JAM3: variants seen among roughly 807,000 people sequenced by gnomAD.
JAM3 encodes junctional adhesion molecule 3.
In JAM3, 31 loss-of-function variants were observed where a neutral mutation model predicts 39.4. That is an observed-to-expected ratio of 0.79 (90% CI 0.59 to 1.06). The LOEUF (loss-of-function observed/expected upper bound fraction) is 1.06, where lower values mean the gene tolerates loss of function less well. Ranked by LOEUF, JAM3 falls within the 50% of genes least tolerant of loss-of-function variation. The pLI, the probability that JAM3 is intolerant of heterozygous loss-of-function variation, is 0.00. For missense variants in JAM3, 455 were observed against 391.4 expected (o/e 1.16, Z -1.37); for synonymous variants, 182 against 148.7 (o/e 1.22, Z -1.63).
chr11:134,142,018 C>CCCACTCACGTGAAGTCCCTCCTTTGCT (rs1942983109), intron 3 of JAM3, among the ~76,000 whole-genome samples: 3 of 151,784 alleles, frequency 2.0e-5, no homozygotes, highest in African/African-American at 7.2e-5. Context: ...CCTCCTTTGC[C>CCCACTCACGTGAAGTCCCTCCTTTGCT]TCTTATTTTT....
In JAM3 at chr11:134,149,820, G is replaced by T. The variant is rs1012032146; in HGVS notation, c.*639G>T. The stretch of plus-strand genomic sequence containing the variant: ...GGATCTTGCCTGAGGAACCCTGCTT[G>T]TCCAACAGGGTGTCAGGATTTAAGG... On this transcript the variant is annotated 3_prime_UTR_variant, in exon 9 of 9. Transcript: ENST00000299106. The T allele has an allele frequency of 2.2e-4, 78 of 361,266 alleles. No homozygotes were observed. Among genetic ancestry groups the T allele is most frequent in the Non-Finnish European group, 3.7e-4 (67 of 181,026 alleles). 22.4% of individuals were successfully genotyped at this position (361,266 alleles called of 1,614,324 possible). A position where few individuals can be genotyped will look rare whatever the true frequency, so the allele number is the denominator to read the frequency against.
chr11:134,105,698 T>C (rs544955938), intron 1 of JAM3, among the ~76,000 whole-genome samples: 35 of 137,988 alleles, frequency 2.5e-4, no homozygotes, highest in African/African-American at 8.1e-4. Flanking sequence ...AGCATTCTTA[T>C]ATACCAATAA....
rs774867477 is a variant in JAM3 at position 134,144,906 on chromosome 11, G to A, written c.524G>A (p.Arg175His). ...GHPRPHYSWYRNDVPLPTDSR... is the reference protein window; with the variant it reads ...GHPRPHYSWYHNDVPLPTDSR... ...CCCCGGCCTCACTACAGCTGGTATC[G>A]CAATGATGTACCACTGCCCACGGAT... is the stretch of plus-strand genomic sequence containing the variant. The change falls in exon 5 of 9, where the codon CGC (arginine) becomes CAC (histidine). Residue 175 changes from arginine to histidine, a missense_variant. Transcript: ENST00000299106. 7.4e-6 allele frequency: 12 copies of A among 1,614,034 alleles called. No homozygotes were observed. In the African/African-American group the frequency reaches 8.0e-5, roughly 11 times the overall value.
At chr11:134,131,657 G>T (rs966872904) in intron 1 of JAM3, among the ~76,000 whole-genome samples, 6 of 152,150 alleles carry the variant, frequency 3.9e-5, no homozygotes, top group Non-Finnish European at 8.8e-5. Flanking sequence ...TTTAAAATAT[G>T]CACAAACACC....
At chr11:134,097,970 A>G (rs767280743) in intron 1 of JAM3, among the ~76,000 whole-genome samples, 3 of 152,114 alleles carry the variant, frequency 2.0e-5, no homozygotes, top group African/African-American at 4.8e-5. Context: ...TAAAATTGTG[A>G]GGACTATATT....
intron 1 of JAM3, among the ~76,000 whole-genome samples, chr11:134,108,582 A>T (rs1942247142): frequency 6.6e-6 from 1 of 152,316 alleles, no homozygotes; most frequent in Admixed American, 6.5e-5. Context: ...GTTTGTGTGT[A>T]TAGGAAGAAA....
chr11:134,072,728 G>C (rs886967449), intron 1 of JAM3, among the ~76,000 whole-genome samples: 4 of 152,202 alleles, frequency 2.6e-5, no homozygotes, highest in East Asian at 1.9e-4. Flanking sequence ...TGGCCAACAT[G>C]ATGAAGCCCT....
intron 1 of JAM3, among the ~76,000 whole-genome samples, chr11:134,069,847 G>T (rs1941460422): frequency 1.3e-5 from 2 of 152,186 alleles, no homozygotes; most frequent in Admixed American, 1.3e-4. Flanking sequence ...CAAAGGAACT[G>T]CTTTTCTTTT....
At chr11:134,086,665 T>A (rs1193443996) in intron 1 of JAM3, among the ~76,000 whole-genome samples, 1 of 152,162 alleles carries the variant, frequency 6.6e-6, no homozygotes, top group African/African-American at 2.4e-5. Context: ...ATAAACAGCT[T>A]ATTAAATAAA....
chr11:134,148,448 G>A (rs1292809090), intron 6 of JAM3, 99 bp from the exon 7 acceptor site: 1 of 1,536,262 alleles, frequency 6.5e-7, no homozygotes, highest in African/African-American at 1.4e-5. Flanking sequence ...CAGGGGGCAA[G>A]TGGGTTTGGG....
intron 1 of JAM3, among the ~76,000 whole-genome samples, chr11:134,117,204 G>C (rs611170): frequency 0.4 from 59,925 of 151,652 alleles, 12,868 homozygotes; most frequent in African/African-American, 0.58. Flanking sequence ...TCTACTAAAA[G>C]TACAAAAAAT....
intron 1 of JAM3, among the ~76,000 whole-genome samples, chr11:134,096,278 G>A (rs941948722): frequency 2.6e-4 from 39 of 152,152 alleles, no homozygotes; most frequent in African/African-American, 8.2e-4. Flanking sequence ...CGTGTAGAAG[G>A]CATTTATGTA....
rs563112128 is a variant in JAM3, at chr11:134,069,661, G to C, written c.76+502G>C. ...GGGCACGGCCCTCTGGAGGGAGCGC[G>C]GCAGCTGCGGCGTGGGCGCTGGAAC... On this transcript the variant is annotated intron_variant, in intron 1 of 8. Coordinates refer to ENST00000299106, the MANE Select transcript of JAM3 (RefSeq NM_032801.5). 2.0e-5 allele frequency among the ~76,000 whole-genome samples: 3 copies of C among 152,298 alleles called. No individual in the cohort carries two copies. In the East Asian group the frequency reaches 5.8e-4, roughly 30 times the overall value.
intron 1 of JAM3, among the ~76,000 whole-genome samples, chr11:134,128,056 G>A (rs1942686119): frequency 1.3e-5 from 2 of 151,904 alleles, no homozygotes; most frequent in Admixed American, 1.3e-4. Context: ...TCTTTGGGGT[G>A]TTGCTTACAG....
Position 134,143,597 on chromosome 11 carries a change from T to C in JAM3, c.257-644T>C, listed in dbSNP as rs76610227. On this transcript the variant is annotated intron_variant, in intron 3 of 8. Coordinates refer to ENST00000299106, the MANE Select transcript of JAM3 (RefSeq NM_032801.5). ...TGAAGTGTGAATTCTTTATTCTGGATGCTAGGTTGGATGTACGATTTGCAG... is the reference window on the plus strand; with the variant it reads ...TGAAGTGTGAATTCTTTATTCTGGACGCTAGGTTGGATGTACGATTTGCAG... 3.2e-4 allele frequency among the ~76,000 whole-genome samples: 48 copies of C among 152,338 alleles called. No homozygotes were observed. In the East Asian group the frequency reaches 8.5e-3, roughly 27 times the overall value.
intron 8 of JAM3, 137 bp downstream of exon 8, chr11:134,148,955 AACACACACACACACACACAC>A (rs368934602): frequency 3.3e-4 from 225 of 690,008 alleles, no homozygotes; most frequent in South Asian, 3.2e-3. Context: ...CCTTCACAGT[AACACACACACACACACACAC>A]ACACACACAC....
intron 1 of JAM3, among the ~76,000 whole-genome samples, chr11:134,135,185 T>C (rs976979035): frequency 5.9e-5 from 9 of 152,250 alleles, no homozygotes; most frequent in African/African-American, 2.2e-4. Context: ...TTTAAGCTAA[T>C]TTCTGTATTT....
intron 1 of JAM3, among the ~76,000 whole-genome samples, chr11:134,078,793 C>T (rs1941616105): frequency 6.6e-6 from 1 of 152,142 alleles, no homozygotes; most frequent in African/African-American, 2.4e-5. Flanking sequence ...AATCCCAGCA[C>T]TTTGGGAGGC....
chr11:134,144,463 TTTCCTTCTAGAAC>T, intron 4 of JAM3, 70 bp downstream of exon 4: 1 of 1,576,048 alleles, frequency 6.3e-7, no homozygotes, highest in Non-Finnish European at 8.7e-7. Context: ...TCTTGGTTTC[TTTCCTTCTAGAAC>T]TGTATCCCTG....
Sources: allele counts gnomAD v4.1 joint callset (sites outside exome capture counted in the v4.1 genomes callset), GRCh38; gene constraint gnomAD v4.1.1; transcripts MANE v1.5; gene names NCBI Gene and HGNC (gene_info 2026-07-23, HGNC 2026-07-21).